ITSN2: variants seen among roughly 807,000 people sequenced by gnomAD.
ITSN2 encodes intersectin 2.
In ITSN2, 156 loss-of-function variants were observed where a neutral mutation model predicts 243.7. The ratio of observed to expected loss-of-function variants is 0.64; its 90% CI spans 0.56 to 0.73. ITSN2 has a LOEUF of 0.73. Among genes scored for constraint, ITSN2 ranks in the 30% least tolerant of loss-of-function variants. The probability of loss-of-function intolerance (pLI) is 0.00; values close to 1 mark genes in which losing one functional copy is unlikely to be tolerated. For missense variants in ITSN2, 1,801 were observed against 1,996.1 expected (o/e 0.90, Z 1.86); for synonymous variants, 703 against 699.9 (o/e 1.00, Z -0.07).
chr2:24,224,080 G>C (rs1436968586), intron 29 of ITSN2, among the ~76,000 whole-genome samples: 1 of 151,474 alleles, frequency 6.6e-6, no homozygotes. Context: ...GAGAGGCTTG[G>C]TGACCAGACA....
At chr2:24,334,401 G>A in intron 1 of ITSN2, 3 of 404,046 alleles carry the variant, frequency 7.4e-6, no homozygotes, top group Non-Finnish European at 9.4e-6. Context: ...CACCATCTTG[G>A]CCAAACCCCA....
chr2:24,237,623 T>C (rs1672312434), intron 29 of ITSN2, among the ~76,000 whole-genome samples: 2 of 152,166 alleles, frequency 1.3e-5, no homozygotes, highest in African/African-American at 4.8e-5. Context: ...TCACTGCAGT[T>C]GGTGGCACCA....
intron 2 of ITSN2, among the ~76,000 whole-genome samples, chr2:24,321,198 C>T (rs191154192): frequency 4.3e-4 from 66 of 152,186 alleles, no homozygotes; most frequent in Middle Eastern, 3.4e-3. Context: ...TTTTGTTGTC[C>T]GCCAGCTCTC....
intron 15 of ITSN2, among the ~76,000 whole-genome samples, chr2:24,289,722 T>G (rs560799835): frequency 2.0e-5 from 3 of 152,354 alleles, no homozygotes; most frequent in African/African-American, 7.2e-5. Flanking sequence ...ATGGGCCACA[T>G]GCGGCCCAGG....
chr2:24,351,481 A>G (rs909496094), intron 1 of ITSN2, among the ~76,000 whole-genome samples: 13 of 152,248 alleles, frequency 8.5e-5, no homozygotes, highest in African/African-American at 3.1e-4. Flanking sequence ...GGACTTGCAC[A>G]TGACATAGCT....
intron 7 of ITSN2, chr2:24,309,001 T>C (rs749589043): frequency 6.6e-6 from 3 of 452,728 alleles, no homozygotes; most frequent in Admixed American, 2.5e-5. Flanking sequence ...GCAAACCCTA[T>C]TGTGAATGGC....
At chr2:24,259,779 A>T (rs1400619177) in intron 22 of ITSN2, among the ~76,000 whole-genome samples, 1 of 152,024 alleles carries the variant, frequency 6.6e-6, no homozygotes, top group Non-Finnish European at 1.5e-5. Flanking sequence ...TCCAATTCTC[A>T]CCAATTGAGT....
chr2:24,361,171 C>T (rs908461137), upstream of ITSN2, among the ~76,000 whole-genome samples: 1 of 152,278 alleles, frequency 6.6e-6, no homozygotes, highest in African/African-American at 2.4e-5. Context: ...CACACTCCGC[C>T]GAGCAGTAGG....
intron 22 of ITSN2, among the ~76,000 whole-genome samples, chr2:24,260,058 C>G (rs925176167): frequency 1.3e-5 from 2 of 152,102 alleles, no homozygotes; most frequent in Non-Finnish European, 2.9e-5. Flanking sequence ...GTAGCTAGTA[C>G]TACAGGCACA....
intron 23 of ITSN2, among the ~76,000 whole-genome samples, chr2:24,255,652 C>T (rs1267932313): frequency 1.5e-5 from 2 of 137,498 alleles, no homozygotes; most frequent in African/African-American, 2.6e-5. Flanking sequence ...AAGGGCTGGG[C>T]ATGGTGGCTC....
rs1434313342 is a variant in ITSN2 at position 24,211,457 on chromosome 2, A to G, written c.4090-510T>C. ...CATTGTCAGCATGTGGAAGAAATGCATTCTGTTCATTCTGAAGCGATTTCA... is the reference window on the plus strand; with the variant it reads ...CATTGTCAGCATGTGGAAGAAATGCGTTCTGTTCATTCTGAAGCGATTTCA... On this transcript the variant is annotated intron_variant, in intron 33 of 39. Transcript: ENST00000355123. This position sits in a 1 kb window ranked among gnomAD's most constrained non-coding sequence, Gnocchi z 4.1. 2.0e-5 allele frequency among the ~76,000 whole-genome samples: 3 copies of G among 152,246 alleles called. No homozygotes were observed. Among genetic ancestry groups the G allele is most frequent in the Non-Finnish European group, 4.4e-5 (3 of 68,038 alleles).
At chr2:24,220,790 A>T in intron 30 of ITSN2, 155 bp downstream of exon 30, 1 of 1,426,798 alleles carries the variant, frequency 7.0e-7, no homozygotes, top group African/African-American at 1.5e-5. Context: ...CAGCATTTGG[A>T]GGATGTGAGA....
intron 1 of ITSN2, chr2:24,330,537 G>T: frequency 1.3e-6 from 1 of 756,454 alleles, no homozygotes; most frequent in East Asian, 2.6e-5. Flanking sequence ...AAAGGCCCCT[G>T]CAAAGAAGGG....
At chr2:24,274,239 A>G (rs1677738000) in intron 18 of ITSN2, among the ~76,000 whole-genome samples, 1 of 152,126 alleles carries the variant, frequency 6.6e-6, no homozygotes, top group Non-Finnish European at 1.5e-5. Flanking sequence ...CTCTACTTCT[A>G]TATTATTCTA....
rs1461670108 is a variant in ITSN2, at chr2:24,289,647, T to A, written c.1724-3296A>T. On this transcript the variant is annotated intron_variant, in intron 15 of 39. Transcript: ENST00000355123. ...CTTCCAGCATTACGTTGAACAGAAG[T>A]GGTAAAAAGTGCGTATCCCTACCTC... 2.6e-5 allele frequency among the ~76,000 whole-genome samples: 4 copies of A among 152,224 alleles called. No homozygotes were observed. In the East Asian group the frequency reaches 7.7e-4, roughly 29 times the overall value.
At chr2:24,297,358 C>T (rs1429995791) in intron 13 of ITSN2, among the ~76,000 whole-genome samples, 1 of 152,030 alleles carries the variant, frequency 6.6e-6, no homozygotes, top group East Asian at 1.9e-4. Context: ...CAGAATAGTG[C>T]CAGATCTTTT....
chr2:24,203,713 G>A lies in ITSN2; in HGVS notation c.5007C>T (p.Thr1669=). Residue 1669 remains threonine (T), a synonymous_variant, in exon 40 of 40, where the codon ACC becomes ACT. Transcript: ENST00000355123. ...RTEQESKGPM[T]RRLLLHEVPT... The stretch of plus-strand genomic sequence containing the variant: ...GGACCTCATGCAGCAGCAGTCGGCG[G>A]GTCATAGGGCCTTTGCTTTCCTGTT... 6.2e-7 allele frequency: 1 copy of A among 1,614,188 alleles called. No individual in the cohort carries two copies. The highest frequency in any genetic ancestry group is 8.5e-7 in the Non-Finnish European group (1 of 1,180,028).
At chr2:24,332,238 G>A (rs558248661) in intron 1 of ITSN2, among the ~76,000 whole-genome samples, 8 of 151,716 alleles carry the variant, frequency 5.3e-5, no homozygotes, top group Non-Finnish European at 7.4e-5. Context: ...GCAAAACTCC[G>A]TCTCAAAAAA....
intron 1 of ITSN2, among the ~76,000 whole-genome samples, chr2:24,331,229 G>A (rs1174805976): frequency 1.3e-5 from 2 of 151,362 alleles, no homozygotes; most frequent in African/African-American, 4.9e-5. Flanking sequence ...GCATCATCAC[G>A]CCCGGCTAAT....
Sources: gnomAD v4.1 joint callset for allele counts (sites outside exome capture counted in the v4.1 genomes callset) on GRCh38, gnomAD v4.1.1 for gene constraint, Gnocchi (gnomAD v3.1) non-coding constraint, MANE v1.5 for transcripts, NCBI Gene and HGNC (gene_info 2026-07-23, HGNC 2026-07-21) for gene names.